MLLT3: variants seen among roughly 807,000 people sequenced by gnomAD.
MLLT3 encodes protein AF-9.
A neutral mutation model predicts 53.2 loss-of-function variants in MLLT3; 4 were observed. The ratio of observed to expected loss-of-function variants is 0.08; its 90% CI spans 0.04 to 0.17. The LOEUF (loss-of-function observed/expected upper bound fraction) is 0.17, where lower values mean the gene tolerates loss of function less well. MLLT3 is among the 10% of genes least tolerant of loss of function. MLLT3 has a pLI of 1.00. For missense variants in MLLT3, 569 were observed against 684.0 expected (o/e 0.83, Z 1.87); for synonymous variants, 283 against 230.6 (o/e 1.23, Z -2.06).
chr9:20,378,013 A>G (rs1168839164), intron 5 of MLLT3, among the ~76,000 whole-genome samples: 1 of 152,060 alleles, frequency 6.6e-6, no homozygotes, highest in Admixed American at 6.5e-5. Context: ...AGGAACTCCA[A>G]AGTTCTTTGG....
chr9:20,552,415 T>G (rs1387396817), intron 2 of MLLT3, among the ~76,000 whole-genome samples: 1 of 152,194 alleles, frequency 6.6e-6, no homozygotes, highest in African/African-American at 2.4e-5. Flanking sequence ...GTTTTTTAAT[T>G]AAGGCTGACA....
intron 2 of MLLT3, among the ~76,000 whole-genome samples, chr9:20,566,296 C>T (rs1041581316): frequency 6.6e-6 from 1 of 151,066 alleles, no homozygotes; most frequent in African/African-American, 2.4e-5. Context: ...GAGTGAGACT[C>T]CATCTCAAAA....
chr9:20,549,538 G>A (rs1252135592), intron 2 of MLLT3, among the ~76,000 whole-genome samples: 1 of 152,178 alleles, frequency 6.6e-6, no homozygotes, highest in East Asian at 1.9e-4. Context: ...TAGAAAGCAG[G>A]TACTTTATGC....
rs144910957 is a variant in MLLT3 at position 20,448,052 on chromosome 9, G to T, written c.420+71C>A. 6.7e-7 allele frequency: 1 copy of T among 1,501,738 alleles called. No individual in the cohort carries two copies. 93.0% of individuals were successfully genotyped at this position (1,501,738 alleles called of 1,614,324 possible). A position where few individuals can be genotyped will look rare whatever the true frequency, so the allele number is the denominator to read the frequency against. ...ATACTTTTTAACACATGAGGAACTA[G>T]TTTGTTTGTTTTTTTTTTTGTTGTT... On this transcript the variant is annotated intron_variant, in intron 4 of 10. Transcript: ENST00000380338. This position sits in a 1 kb window ranked among gnomAD's most constrained non-coding sequence, Gnocchi z 4.0.
At chr9:20,409,846 C>A (rs867090407) in intron 5 of MLLT3, among the ~76,000 whole-genome samples, 1 of 152,108 alleles carries the variant, frequency 6.6e-6, no homozygotes, top group Admixed American at 6.5e-5. Context: ...AAAAATTATT[C>A]TTTCAGTTAT....
intron 2 of MLLT3, among the ~76,000 whole-genome samples, chr9:20,609,265 T>C (rs772665532): frequency 2.0e-5 from 3 of 151,992 alleles, no homozygotes; most frequent in African/African-American, 7.2e-5. Flanking sequence ...AACTGAAGAG[T>C]AGAAAAGTAC....
chr9:20,523,886 G>C (rs921623371), intron 2 of MLLT3, among the ~76,000 whole-genome samples: 1 of 151,752 alleles, frequency 6.6e-6, no homozygotes, highest in East Asian at 1.9e-4. Context: ...TGGGAAGTTC[G>C]CTTGAGTTCA....
At chr9:20,442,091 T>TGAAA (rs1279872856) in intron 4 of MLLT3, among the ~76,000 whole-genome samples, 2 of 152,132 alleles carry the variant, frequency 1.3e-5, no homozygotes, top group African/African-American at 4.8e-5. Flanking sequence ...CATTAAAATG[T>TGAAA]GGTCTTTGAA....
chr9:20,429,553 A>AG (rs202225951), intron 4 of MLLT3, among the ~76,000 whole-genome samples: 1 of 152,000 alleles, frequency 6.6e-6, no homozygotes, highest in East Asian at 1.9e-4. Context: ...GTAGGGGGGA[A>AG]AAAAAGGAAA....
At chr9:20,484,982 ATTTT>A (rs1026930005) in intron 2 of MLLT3, among the ~76,000 whole-genome samples, 1 of 151,444 alleles carries the variant, frequency 6.6e-6, no homozygotes, top group African/African-American at 2.4e-5. Flanking sequence ...TTTTATTTTT[ATTTT>A]TTTTATTTAT....
intron 2 of MLLT3, among the ~76,000 whole-genome samples, chr9:20,565,972 A>ATATATATATATATT (rs1563820618): frequency 4.5e-4 from 9 of 20,018 alleles, no homozygotes; most frequent in African/African-American, 1.3e-3. Context: ...ATATATTTAT[A>ATATATATATATATT]TATATATATA....
intron 4 of MLLT3, among the ~76,000 whole-genome samples, chr9:20,427,596 G>C (rs1386908826): frequency 6.6e-6 from 1 of 151,732 alleles, no homozygotes; most frequent in Non-Finnish European, 1.5e-5. Context: ...ACCAAGTATA[G>C]TATAAAAATA....
At chr9:20,464,401 C>T (rs963143289) in intron 2 of MLLT3, among the ~76,000 whole-genome samples, 21 of 152,008 alleles carry the variant, frequency 1.4e-4, no homozygotes, top group African/African-American at 3.9e-4. Flanking sequence ...GAGCAATAAA[C>T]GTAATTGACA....
chr9:20,423,665 T>A (rs1202476234), intron 4 of MLLT3, among the ~76,000 whole-genome samples: 2 of 144,380 alleles, frequency 1.4e-5, no homozygotes, highest in Non-Finnish European at 3.0e-5. Context: ...AAAAAAAAAA[T>A]TAGCCAGGCG....
In MLLT3 at chr9:20,372,671, G is replaced by C. The variant is rs556384490; in HGVS notation, c.1126-6927C>G. On this transcript the variant is annotated intron_variant, in intron 5 of 10. Coordinates refer to ENST00000380338, the MANE Select transcript of MLLT3 (RefSeq NM_004529.4). The stretch of plus-strand genomic sequence containing the variant: ...GATCCACCCGCCTTGGCCTCCCAAA[G>C]TGCTGGGATTACAGGCATGAGCCAC... Among the ~76,000 whole-genome samples, 3 of 147,224 alleles carry C rather than the reference G, an allele frequency of 2.0e-5. No individual in the cohort carries two copies. The South Asian group carries it at 6.4e-4, about 32-fold the overall frequency.
At chr9:20,490,225 G>A (rs1824914072) in intron 2 of MLLT3, among the ~76,000 whole-genome samples, 1 of 152,198 alleles carries the variant, frequency 6.6e-6, no homozygotes, top group South Asian at 2.1e-4. Context: ...ATTGTGAAGG[G>A]ATTCTGCAAA....
intron 2 of MLLT3, among the ~76,000 whole-genome samples, chr9:20,567,172 C>A: frequency 9.6e-6 from 1 of 104,090 alleles, no homozygotes; most frequent in Non-Finnish European, 1.9e-5. Flanking sequence ...AATGTTATCA[C>A]TCAAAGTCAA....
At chr9:20,378,715 T>C (rs1015955437) in intron 5 of MLLT3, among the ~76,000 whole-genome samples, 3 of 152,112 alleles carry the variant, frequency 2.0e-5, no homozygotes, top group African/African-American at 7.2e-5. Context: ...TTCACTTCTA[T>C]TTAAAATGTT....
At chr9:20,397,204 G>A (rs1328340019) in intron 5 of MLLT3, among the ~76,000 whole-genome samples, 1 of 152,096 alleles carries the variant, frequency 6.6e-6, no homozygotes, top group Non-Finnish European at 1.5e-5. Flanking sequence ...TTATTTGAAA[G>A]CATATTTTTT....
Sources: gnomAD v4.1 joint callset for allele counts (sites outside exome capture counted in the v4.1 genomes callset) on GRCh38, gnomAD v4.1.1 for gene constraint, Gnocchi (gnomAD v3.1) non-coding constraint, MANE v1.5 for transcripts, NCBI Gene and HGNC (gene_info 2026-07-23, HGNC 2026-07-21) for gene names.